Variants in DOCK1 observed in about 807,000 individuals in gnomAD.
DOCK1 encodes dedicator of cytokinesis protein 1.
In DOCK1, 138 loss-of-function variants were observed where a neutral mutation model predicts 262.7. The observed-to-expected ratio is 0.53, with a 90% CI of 0.46 to 0.61. The LOEUF is 0.61. Among genes scored for constraint, DOCK1 ranks in the 20% least tolerant of loss-of-function variants. The pLI is 0.00. For synonymous variants in DOCK1, 866 were observed against 867.4 expected, an observed-to-expected ratio of 1.00 and a Z score of 0.03; for missense variants, 1,908 against 2,370.7, an observed-to-expected ratio of 0.80 and a Z score of 4.05.
intron 6 of DOCK1, among the ~76,000 whole-genome samples, chr10:126,991,131 T>C (rs2039753931): frequency 6.6e-6 from 1 of 152,196 alleles, no homozygotes; most frequent in Admixed American, 6.5e-5. Context: ...TGTGCAGTTA[T>C]GTCTCTTGCC....
intron 27 of DOCK1, among the ~76,000 whole-genome samples, chr10:127,146,463 G>T (rs928044501): frequency 1.2e-4 from 19 of 152,268 alleles, no homozygotes; most frequent in Non-Finnish European, 2.5e-4. Context: ...AAAAAACTTG[G>T]ATTATTAGCT....
intron 23 of DOCK1, among the ~76,000 whole-genome samples, chr10:127,090,028 A>G (rs948490656): frequency 1.3e-5 from 2 of 152,182 alleles, no homozygotes; most frequent in Non-Finnish European, 2.9e-5. Context: ...GCAACTGTAG[A>G]GAAGCAGCAG....
chr10:127,150,638 TTTATACAA>T (rs2052396841), intron 27 of DOCK1, among the ~76,000 whole-genome samples: 1 of 152,228 alleles, frequency 6.6e-6, no homozygotes, highest in Non-Finnish European at 1.5e-5. Context: ...CCTGGACCTG[TTTATACAA>T]TTAGTACTCA....
chr10:126,953,609 G>A (rs1458997666), intron 1 of DOCK1, among the ~76,000 whole-genome samples: 4 of 152,218 alleles, frequency 2.6e-5, no homozygotes, highest in Non-Finnish European at 5.9e-5. Context: ...TGTCATCAGT[G>A]GAGCTCCCAT....
intron 38 of DOCK1, among the ~76,000 whole-genome samples, chr10:127,401,332 T>C (rs1337142153): frequency 6.6e-6 from 1 of 152,142 alleles, no homozygotes; most frequent in East Asian, 1.9e-4. Flanking sequence ...AGGAATTCGA[T>C]TGAGGGGCAT....
At chr10:127,423,033 G>A (rs567601568) in intron 46 of DOCK1, among the ~76,000 whole-genome samples, 68 of 152,228 alleles carry the variant, frequency 4.5e-4, no homozygotes, top group Non-Finnish European at 8.1e-4. Context: ...AAAAGAATCA[G>A]TTTTCTAGTA....
intron 29 of DOCK1, among the ~76,000 whole-genome samples, chr10:127,284,346 C>A (rs1053528093): frequency 3.9e-5 from 6 of 151,906 alleles, no homozygotes; most frequent in African/African-American, 1.5e-4. Context: ...TTAATGATTT[C>A]TCTGTAATAG....
chr10:127,213,828 A>G (rs932871243), intron 27 of DOCK1, among the ~76,000 whole-genome samples: 1 of 152,078 alleles, frequency 6.6e-6, no homozygotes, highest in African/African-American at 2.4e-5. Flanking sequence ...GATCAGTAAT[A>G]TTCATCAGCA....
At chr10:126,974,787 C>A (rs908398441) in intron 2 of DOCK1, among the ~76,000 whole-genome samples, 1 of 152,074 alleles carries the variant, frequency 6.6e-6, no homozygotes, top group Non-Finnish European at 1.5e-5. Context: ...TGGGTCTAAT[C>A]TCTTTCTGTA....
At chr10:127,070,473 C>T (rs984737002) in intron 23 of DOCK1, among the ~76,000 whole-genome samples, 3 of 151,848 alleles carry the variant, frequency 2.0e-5, no homozygotes, top group Admixed American at 6.6e-5. Context: ...AGGCCGGTCT[C>T]GAACTCCTGA....
intron 21 of DOCK1, 43 bp from the exon 22 acceptor site, chr10:127,052,638 T>G (rs2135738011): frequency 2.5e-6 from 4 of 1,613,300 alleles, no homozygotes; most frequent in Non-Finnish European, 3.4e-6. Context: ...TTGAGATATT[T>G]TCCTTTCCTG....
At chr10:127,150,014 A>G (rs553133184) in intron 27 of DOCK1, among the ~76,000 whole-genome samples, 3 of 152,320 alleles carry the variant, frequency 2.0e-5, no homozygotes, top group African/African-American at 7.2e-5. Flanking sequence ...GTGTTTCTAC[A>G]GATTCATATG....
At position 126,986,713 on chromosome 10, in the gene DOCK1, C is replaced by T. The variant is rs572358384; in HGVS notation, c.228-808C>T. On this transcript the variant is annotated intron_variant, in intron 4 of 51. Transcript: ENST00000623213. ...TCACCTGAAGTCAGGCGTTCAAGAC[C>T]AGCCTGGCCAATATGGTGAAACCTC... Among the ~76,000 whole-genome samples, 9 of 152,276 alleles carry T rather than the reference C, an allele frequency of 5.9e-5. No individual in the cohort carries two copies. In the South Asian group the frequency reaches 1.5e-3, roughly 25 times the overall value.
chr10:127,325,871 T>C (rs750014113), intron 29 of DOCK1, among the ~76,000 whole-genome samples: 5 of 152,208 alleles, frequency 3.3e-5, no homozygotes, highest in Admixed American at 1.3e-4. Context: ...ATTCAAGATA[T>C]TGTGGGTTCC....
chr10:127,451,713 C>A lies in DOCK1; in HGVS notation c.*286C>A. Reference sequence around the variant, plus strand: ...TGGCTCTGAGAGAGTCTGAGTCTTGCCCAAACATTCTTTCTTTTTGTGCCA... The same window carrying A: ...TGGCTCTGAGAGAGTCTGAGTCTTGACCAAACATTCTTTCTTTTTGTGCCA... On this transcript the variant is annotated 3_prime_UTR_variant, in exon 52 of 52. Coordinates refer to ENST00000623213, the MANE Select transcript of DOCK1 (RefSeq NM_001290223.2). 1 of 490,718 alleles carries A rather than the reference C, an allele frequency of 2.0e-6. No homozygotes were observed. The highest frequency in any genetic ancestry group is 3.4e-6 in the Non-Finnish European group (1 of 295,622). The allele number at this position is 490,718 out of a possible 1,614,324, so 30.4% of individuals were successfully genotyped here.
At chr10:127,060,476 T>A (rs556093479) in intron 22 of DOCK1, among the ~76,000 whole-genome samples, 1 of 152,358 alleles carries the variant, frequency 6.6e-6, no homozygotes, top group East Asian at 1.9e-4. Flanking sequence ...TCTAGGGTAA[T>A]TAATTATCAC....
chr10:127,293,960 T>C (rs1261354645), intron 29 of DOCK1, among the ~76,000 whole-genome samples: 3 of 152,208 alleles, frequency 2.0e-5, no homozygotes, highest in Non-Finnish European at 2.9e-5. Flanking sequence ...CTGATCTGCC[T>C]CCATCATGCA....
Position 126,923,457 on chromosome 10 carries a change from C to G in DOCK1, c.46+17894C>G, listed in dbSNP as rs539731346. Among the ~76,000 whole-genome samples the G allele has an allele frequency of 2.0e-3, 303 of 152,046 alleles. 1 individual carries two copies. Among genetic ancestry groups the G allele is most frequent in the African/African-American group, 7.1e-3 (293 of 41,464 alleles). ...TGGCCAACATGGTGAAACCCCATAA[C>G]TACTAAAAATACAAAAATTAGCCGG... is the stretch of plus-strand genomic sequence containing the variant. On this transcript the variant is annotated intron_variant, in intron 1 of 51. Coordinates refer to ENST00000623213, the MANE Select transcript of DOCK1 (RefSeq NM_001290223.2).
chr10:127,397,116 T>A lies in DOCK1; in HGVS notation c.3928-5939T>A, dbSNP rs1402026227. On this transcript the variant is annotated intron_variant, in intron 38 of 51. Coordinates refer to ENST00000623213, the MANE Select transcript of DOCK1 (RefSeq NM_001290223.2). The stretch of plus-strand genomic sequence containing the variant: ...ATCTGAGCATCAGTTACACGGGCGG[T>A]GTCTCCTATGTGATCTGAGCATCAG... Among the ~76,000 whole-genome samples, 5 of 94,720 alleles carry A rather than the reference T, an allele frequency of 5.3e-5. 1 individual carries two copies. Among genetic ancestry groups the A allele is most frequent in the South Asian group, 7.4e-4 (2 of 2,716 alleles). The allele number at this position is 94,720 out of a possible 152,430, so 62.1% of individuals were successfully genotyped here.
Sources: gnomAD v4.1 joint callset for allele counts (sites outside exome capture counted in the v4.1 genomes callset) on GRCh38, gnomAD v4.1.1 for gene constraint, MANE v1.5 for transcripts, NCBI Gene and HGNC (gene_info 2026-07-23, HGNC 2026-07-21) for gene names.